Variants in WDFY4 observed in about 807,000 individuals in gnomAD.
WDFY4 encodes the protein WD repeat- and FYVE domain-containing protein 4.
A neutral mutation model predicts 351.9 loss-of-function variants in WDFY4; 169 were observed. The ratio of observed to expected loss-of-function variants is 0.48; its 90% CI spans 0.42 to 0.55. The LOEUF is 0.55. WDFY4 is among the 20% of genes least tolerant of loss of function. WDFY4 has a pLI of 0.00. For missense variants in WDFY4, 3,803 were observed against 3,935.6 expected (o/e 0.97, Z 0.90); for synonymous variants, 1,622 against 1,574.6 (o/e 1.03, Z -0.71).
intron 13 of WDFY4, among the ~76,000 whole-genome samples, chr10:48,773,653 A>T (rs2065937461): frequency 6.6e-6 from 1 of 152,190 alleles, no homozygotes; most frequent in Non-Finnish European, 1.5e-5. Context: ...ATGTGGCAGC[A>T]TGTGCTTAGG....
At chr10:48,824,540 A>T (rs2067932544) in intron 35 of WDFY4, among the ~76,000 whole-genome samples, 1 of 152,226 alleles carries the variant, frequency 6.6e-6, no homozygotes, top group Non-Finnish European at 1.5e-5. Flanking sequence ...TTTTTAACAC[A>T]AATTTTCACC....
chr10:48,850,573 T>G (rs1251538648), intron 39 of WDFY4, among the ~76,000 whole-genome samples: 6 of 152,232 alleles, frequency 3.9e-5, no homozygotes. Flanking sequence ...ATTTTTGGTG[T>G]GTGTATTACT....
In WDFY4 at chr10:48,805,405, A is replaced by G. The variant is rs761911226; in HGVS notation, c.4630A>G (p.Thr1544Ala). The G allele has an allele frequency of 1.3e-6, 2 of 1,548,654 alleles. No homozygotes were observed. Among genetic ancestry groups the G allele is most frequent in the Non-Finnish European group, 1.7e-6 (2 of 1,147,012 alleles). The change falls in exon 26 of 62, where the codon ACC becomes GCC. Residue 1544 changes from threonine to alanine, a missense_variant. By Grantham distance (58) the Thr-to-Ala change is moderately conservative (BLOSUM62 0). Transcript: ENST00000325239. ...CTGTCAGCTGAGGGGCCACTTCAGCACCCAGGACTTGCTCAGGTACCACAC... is the reference window on the plus strand; with the variant it reads ...CTGTCAGCTGAGGGGCCACTTCAGCGCCCAGGACTTGCTCAGGTACCACAC... ...LACQLRGHFS[T>A]QDLLRIGLFV...
chr10:48,827,534 G>A (rs759380361), intron 36 of WDFY4, among the ~76,000 whole-genome samples: 8 of 146,442 alleles, frequency 5.5e-5, no homozygotes, highest in Non-Finnish European at 7.6e-5. Flanking sequence ...CTCTCTCTCC[G>A]TGTCAGTGTG....
rs1457593091 is a variant in WDFY4, at chr10:48,743,442, A to C, written c.2353A>C (p.Lys785Gln). 3.2e-6 allele frequency: 5 copies of C among 1,550,650 alleles called. No individual in the cohort carries two copies. Among genetic ancestry groups the C allele is most frequent in the Non-Finnish European group, 4.4e-6 (5 of 1,146,970 alleles). Reference sequence around the variant, plus strand: ...CACCCTCCACTTGCGTGGGGACCTGAAGGAGTCCCTGAGGACCAAGCAGGG... The same window carrying C: ...CACCCTCCACTTGCGTGGGGACCTGCAGGAGTCCCTGAGGACCAAGCAGGG... ...SGTLHLRGDL[K>Q]ESLRTKQGPV... is the part of the protein sequence containing the mutation. The change falls in exon 12 of 62, where the codon AAG (lysine) becomes CAG (glutamine). Residue 785 changes from lysine (K) to glutamine (Q), a missense_variant. Coordinates refer to ENST00000325239, the MANE Select transcript of WDFY4 (RefSeq NM_001394531.1).
intron 49 of WDFY4, among the ~76,000 whole-genome samples, chr10:48,945,179 C>T (rs1488837363): frequency 6.6e-6 from 1 of 152,144 alleles, no homozygotes; most frequent in East Asian, 1.9e-4. Context: ...AGTTCAAGAC[C>T]AGCCTGGCCA....
At chr10:48,978,168 G>A (rs1842656181) in intron 59 of WDFY4, 141 bp from the exon 60 acceptor site, 2 of 794,390 alleles carry the variant, frequency 2.5e-6, no homozygotes, top group Non-Finnish European at 3.9e-6. Flanking sequence ...CTGATGATAA[G>A]TTAACATCAG....
intron 57 of WDFY4, 57 bp downstream of exon 57, chr10:48,970,346 G>A (rs998329404): frequency 7.9e-6 from 12 of 1,525,686 alleles, no homozygotes; most frequent in Middle Eastern, 1.7e-4. Flanking sequence ...TTCATGTAGG[G>A]ACAAAACCTC....
In WDFY4 at chr10:48,901,846, G is replaced by A. The variant is rs1305024130; in HGVS notation, c.7569G>A (p.Glu2523=). The A allele has an allele frequency of 7.1e-6, 11 of 1,551,468 alleles. No homozygotes were observed. Among genetic ancestry groups the A allele is most frequent in the Non-Finnish European group, 9.6e-6 (11 of 1,146,900 alleles). ...QPSLKGKATS[E]DTLSLRRYPG... is the part of the protein sequence containing the mutation. ...GCCTGAAGGGGAAAGCCACCTCGGA[G>A]GACACCCTCAGTCTAAGGTAATGGC... The change falls in exon 47 of 62, where the codon GAG becomes GAA. Residue 2523 remains glutamate, a synonymous_variant. Transcript: ENST00000325239.
chr10:48,701,198 G>T (rs1009347647), intron 1 of WDFY4, among the ~76,000 whole-genome samples: 1 of 152,208 alleles, frequency 6.6e-6, no homozygotes, highest in African/African-American at 2.4e-5. Context: ...TTTTGTGACT[G>T]GTTAGTTCAC....
intron 8 of WDFY4, 97 bp downstream of exon 8, chr10:48,729,686 T>C: frequency 7.0e-7 from 1 of 1,437,916 alleles, no homozygotes; most frequent in Non-Finnish European, 9.3e-7. Flanking sequence ...TACCTTTCAA[T>C]GGTGCAGTAG....
chr10:48,698,607 C>T (rs150527314), intron 1 of WDFY4, among the ~76,000 whole-genome samples: 102 of 152,276 alleles, frequency 6.7e-4, no homozygotes, highest in African/African-American at 2.3e-3. Flanking sequence ...GTGGGGGAGA[C>T]GGATTGAAGG....
chr10:48,729,523 C>G lies in WDFY4; in HGVS notation c.1063C>G (p.Leu355Val), dbSNP rs2064383715. ...GCTGACAACCTGTGGGAGGTCAGAG[C>G]TGAAGGTGTTTGACAGCATCACTTA... is the stretch of plus-strand genomic sequence containing the variant. ...VWLTTCGRSE[L>V]KVFDSITYPQ... The change falls in exon 8 of 62, where the codon CTG becomes GTG. Residue 355 changes from leucine to valine, a missense_variant. By Grantham distance (32) the Leu-to-Val change is conservative (BLOSUM62 1). Coordinates refer to ENST00000325239, the MANE Select transcript of WDFY4 (RefSeq NM_001394531.1). The G allele has an allele frequency of 1.9e-6, 3 of 1,551,756 alleles. No homozygotes were observed. The highest frequency in any genetic ancestry group is 2.7e-5 in the African/African-American group (2 of 73,182).
At position 48,774,546 on chromosome 10, in the gene WDFY4, G is replaced by A. The variant is rs1253092201; in HGVS notation, c.2642G>A (p.Gly881Asp). 1 of 1,551,662 alleles carries A rather than the reference G, an allele frequency of 6.4e-7. No homozygotes were observed. Among genetic ancestry groups the A allele is most frequent in the African/African-American group, 1.4e-5 (1 of 73,182 alleles). The change falls in exon 14 of 62, where the codon GGC becomes GAC. Residue 881 changes from glycine (G) to aspartate (D), a missense_variant. Physicochemically the swap from Gly to Asp is moderately conservative, Grantham distance 94. Transcript: ENST00000325239. The stretch of plus-strand genomic sequence containing the variant: ...AACCGCCAGGTCATGTGCGAAGCAG[G>A]CTTGCTTGGGACCCTCATGGCCTCC... ...EKNRQVMCEA[G>D]LLGTLMASCH...
chr10:48,731,025 C>T lies in WDFY4; in HGVS notation c.1130-85C>T, dbSNP rs1174279918. ...GTTAGAACACAGAAACTTCAAATGG[C>T]ATGCCCTCTTAGTAATGAAAACATC... On this transcript the variant is annotated intron_variant, in intron 8 of 61. Transcript: ENST00000325239. 3.6e-6 allele frequency: 5 copies of T among 1,375,306 alleles called. No homozygotes were observed. The East Asian group carries it at 7.6e-5, about 21-fold the overall frequency. The allele number at this position is 1,375,306 out of a possible 1,614,324, so 85.2% of individuals were successfully genotyped here.
rs191301348 is a variant in WDFY4, at chr10:48,950,962, C to T, written c.7977+3993C>T. Among the ~76,000 whole-genome samples, 104 of 152,322 alleles carry T rather than the reference C, an allele frequency of 6.8e-4. No homozygotes were observed. In the East Asian group the frequency reaches 0.014, roughly 21 times the overall value. ...GTATGCCTGTGTGGCACACCCAGTG[C>T]GGTCTGCTGGGTTGCAGAGAGGCAG... On this transcript the variant is annotated intron_variant, in intron 51 of 61. Transcript: ENST00000325239.
intron 19 of WDFY4, among the ~76,000 whole-genome samples, chr10:48,782,605 G>A (rs1303408577): frequency 6.6e-6 from 1 of 152,164 alleles, no homozygotes; most frequent in Admixed American, 6.5e-5. Flanking sequence ...CAACAAGTTG[G>A]GTCAGGACCA....
At chr10:48,947,092 T>C in intron 51 of WDFY4, 123 bp downstream of exon 51, 1 of 775,282 alleles carries the variant, frequency 1.3e-6, no homozygotes, top group Non-Finnish European at 2.0e-6. Context: ...ACTCAGTCAT[T>C]AGCCAGTGAT....
At chr10:48,975,075 A>G (rs1477579660) in intron 58 of WDFY4, 34 bp downstream of exon 58, 2 of 1,551,546 alleles carry the variant, frequency 1.3e-6, no homozygotes, top group East Asian at 2.4e-5. Flanking sequence ...CCGTGTCCTC[A>G]CCTTCGCAGT....
Sources: allele counts gnomAD v4.1 joint callset (sites outside exome capture counted in the v4.1 genomes callset), GRCh38; gene constraint gnomAD v4.1.1; transcripts MANE v1.5; gene names NCBI Gene and HGNC (gene_info 2026-07-23, HGNC 2026-07-21).